The following FBXL7 variants were observed in gnomAD, a reference collection of about 807,000 sequenced individuals.
FBXL7 encodes F-box and leucine rich repeat protein 7.
In FBXL7, 12 loss-of-function variants were observed where a neutral mutation model predicts 38.3. The observed-to-expected ratio is 0.31, with a 90% CI of 0.20 to 0.51. The LOEUF is 0.51. FBXL7 is among the 20% of genes least tolerant of loss of function. The probability of loss-of-function intolerance (pLI) is 0.98; values close to 1 mark genes in which losing one functional copy is unlikely to be tolerated. For missense variants in FBXL7, 567 were observed against 676.4 expected (o/e 0.84, Z 1.79); for synonymous variants, 297 against 300.9 (o/e 0.99, Z 0.13).
intron 2 of FBXL7, among the ~76,000 whole-genome samples, chr5:15,838,697 G>A (rs1738656765): frequency 6.6e-6 from 1 of 151,966 alleles, no homozygotes; most frequent in African/African-American, 2.4e-5. Context: ...TGATTTCTTG[G>A]TCTTTCTCTA....
At chr5:15,647,247 C>T (rs1016994053) in intron 2 of FBXL7, among the ~76,000 whole-genome samples, 12 of 152,190 alleles carry the variant, frequency 7.9e-5, no homozygotes, top group Non-Finnish European at 1.5e-4. Context: ...TGGTTTAAAT[C>T]GGATAAGCCT....
chr5:15,580,840 A>G, intron 1 of FBXL7: 6 of 983,918 alleles, frequency 6.1e-6, no homozygotes, highest in Non-Finnish European at 7.2e-6. Context: ...CCTGGAGACT[A>G]TCCCAGCGAC....
At chr5:15,658,392 T>C (rs975402873) in intron 2 of FBXL7, among the ~76,000 whole-genome samples, 1 of 152,136 alleles carries the variant, frequency 6.6e-6, no homozygotes, top group Non-Finnish European at 1.5e-5. Flanking sequence ...CCACTTTTCG[T>C]GGGAGGGACC....
intron 2 of FBXL7, among the ~76,000 whole-genome samples, chr5:15,681,018 T>G (rs1456546231): frequency 6.6e-6 from 1 of 152,150 alleles, no homozygotes; most frequent in East Asian, 1.9e-4. Context: ...ATGGAAAATA[T>G]AATTATTAAA....
intron 2 of FBXL7, among the ~76,000 whole-genome samples, chr5:15,732,189 CTTAT>C (rs1735606389): frequency 1.3e-5 from 2 of 152,168 alleles, no homozygotes; most frequent in African/African-American, 4.8e-5. Context: ...CACAGATGTG[CTTAT>C]TTATTCATGT....
chr5:15,551,799 T>G (rs1738081305), intron 1 of FBXL7, among the ~76,000 whole-genome samples: 2 of 152,186 alleles, frequency 1.3e-5, no homozygotes, highest in African/African-American at 4.8e-5. Flanking sequence ...TTTTGATCTA[T>G]CTCTGCTTCT....
At chr5:15,836,128 C>G (rs552329297) in intron 2 of FBXL7, among the ~76,000 whole-genome samples, 3 of 152,182 alleles carry the variant, frequency 2.0e-5, no homozygotes, top group Non-Finnish European at 4.4e-5. Flanking sequence ...TTCAGATGGT[C>G]TCTGCCTTTC....
intron 2 of FBXL7, among the ~76,000 whole-genome samples, chr5:15,629,661 ATCATTCC>A (rs1397612988): frequency 5.3e-5 from 8 of 152,288 alleles, no homozygotes; most frequent in African/African-American, 1.7e-4. Context: ...CCTCAATGGT[ATCATTCC>A]TCCACTTGGT....
At chr5:15,714,998 TGCA>T (rs1743997000) in intron 2 of FBXL7, among the ~76,000 whole-genome samples, 1 of 151,684 alleles carries the variant, frequency 6.6e-6, no homozygotes, top group Non-Finnish European at 1.5e-5. Context: ...AGCTGGAAAA[TGCA>T]GCACACAGAT....
At chr5:15,555,974 CATCTATCTATCTATCTATCTATCTATCT>C (rs144598945) in intron 1 of FBXL7, among the ~76,000 whole-genome samples, 5 of 141,002 alleles carry the variant, frequency 3.5e-5, no homozygotes, top group Non-Finnish European at 6.1e-5. Context: ...ATCTGTCTAT[CATCTATCTATCTATCTATCTATCTATCT>C]ATCTATCTAT....
chr5:15,574,860 G>A (rs1738903830), intron 1 of FBXL7, among the ~76,000 whole-genome samples: 1 of 152,206 alleles, frequency 6.6e-6, no homozygotes, highest in South Asian at 2.1e-4. Context: ...AAATGAAATT[G>A]ATCTATTGGA....
Position 15,583,326 on chromosome 5 carries a change from G to C in FBXL7, c.38-32657G>C, listed in dbSNP as rs1312199267. 5.9e-5 allele frequency among the ~76,000 whole-genome samples: 9 copies of C among 152,180 alleles called. No individual in the cohort carries two copies. In the East Asian group the frequency reaches 1.7e-3, roughly 29 times the overall value. Reference sequence around the variant, plus strand: ...AACCAAACCATATCATTCTGCTCCTGGCCCCTCCCAAATCTCTTTCCAACA... The same window carrying C: ...AACCAAACCATATCATTCTGCTCCTCGCCCCTCCCAAATCTCTTTCCAACA... On this transcript the variant is annotated intron_variant, in intron 1 of 3. Coordinates refer to ENST00000504595, the MANE Select transcript of FBXL7 (RefSeq NM_012304.5).
At chr5:15,652,168 T>A (rs1212077153) in intron 2 of FBXL7, among the ~76,000 whole-genome samples, 1 of 152,246 alleles carries the variant, frequency 6.6e-6, no homozygotes, top group Non-Finnish European at 1.5e-5. Context: ...TTTGATCTTC[T>A]CTTAAGACCA....
chr5:15,936,181 A>G lies in FBXL7; in HGVS notation c.740-269A>G, dbSNP rs1490081624. ...TTGATTTGCTAAATGTCAGGCAAGT[A>G]GGGACAGATGACAGATCAGGAATTG... On this transcript the variant is annotated intron_variant, in intron 3 of 3. Transcript: ENST00000504595. The surrounding 1 kb of genome is among the most constrained non-coding windows in gnomAD (Gnocchi z 6.0). Among the ~76,000 whole-genome samples, 1 of 152,252 alleles carries G rather than the reference A, an allele frequency of 6.6e-6. No homozygotes were observed. The highest frequency in any genetic ancestry group is 2.4e-5 in the African/African-American group (1 of 41,466).
At chr5:15,585,830 C>T (rs980589880) in intron 1 of FBXL7, among the ~76,000 whole-genome samples, 4 of 152,162 alleles carry the variant, frequency 2.6e-5, no homozygotes, top group Admixed American at 6.5e-5. Flanking sequence ...TCTTATTAAA[C>T]GCAAATCAAA....
intron 2 of FBXL7, among the ~76,000 whole-genome samples, chr5:15,740,382 C>T (rs543093255): frequency 4.3e-4 from 65 of 152,254 alleles, no homozygotes; most frequent in Non-Finnish European, 7.9e-4. Flanking sequence ...AGAGTCTTCA[C>T]GCTTCAGCTG....
chr5:15,930,493 A>G (rs1742010609), intron 3 of FBXL7, among the ~76,000 whole-genome samples: 1 of 152,052 alleles, frequency 6.6e-6, no homozygotes. Flanking sequence ...CCTCTTTTGG[A>G]GGGTCCTTTT....
intron 2 of FBXL7, among the ~76,000 whole-genome samples, chr5:15,634,985 C>T (rs1423349125): frequency 6.6e-6 from 1 of 152,034 alleles, no homozygotes; most frequent in Non-Finnish European, 1.5e-5. Context: ...TCCCTTACCA[C>T]ATAAAGTAAC....
rs1164741213 is a variant in FBXL7, at chr5:15,937,340, A to G, written c.*154A>G. On this transcript the variant is annotated 3_prime_UTR_variant, in exon 4 of 4. Transcript: ENST00000504595. The stretch of plus-strand genomic sequence containing the variant: ...TGGCCTTTATTTTTCCTCATTTCTC[A>G]TGGGCAACAGAGGCCAAAGAAACGA... 25 of 978,352 alleles carry G rather than the reference A, an allele frequency of 2.6e-5. No homozygotes were observed. The East Asian group carries it at 2.7e-4, about 10-fold the overall frequency. 60.6% of individuals were successfully genotyped at this position (978,352 alleles called of 1,614,324 possible). A position where few individuals can be genotyped will look rare whatever the true frequency, so the allele number is the denominator to read the frequency against.
Sources: allele counts gnomAD v4.1 joint callset (sites outside exome capture counted in the v4.1 genomes callset), GRCh38; gene constraint gnomAD v4.1.1; non-coding constraint Gnocchi (gnomAD v3.1); transcripts MANE v1.5; gene names NCBI Gene and HGNC (gene_info 2026-07-23, HGNC 2026-07-21).